ADIPOR2: variants seen among roughly 807,000 people sequenced by gnomAD.
The protein encoded by ADIPOR2 is adiponectin receptor 2.
ADIPOR2 carries 18 observed loss-of-function variants against 40.9 expected under a neutral mutation model. The observed-to-expected ratio is 0.44, with a 90% CI of 0.30 to 0.65. The LOEUF is 0.65. Among genes scored for constraint, ADIPOR2 ranks in the 30% least tolerant of loss-of-function variants. ADIPOR2 has a pLI of 0.09. For synonymous variants in ADIPOR2, 165 were observed against 166.4 expected (o/e 0.99, Z 0.06); for missense variants, 283 against 479.2 (o/e 0.59, Z 3.82).
chr12:1,783,814 G>C, intron 6 of ADIPOR2, 66 bp from the exon 7 acceptor site: 1 of 1,349,596 alleles, frequency 7.4e-7, no homozygotes, highest in Non-Finnish European at 1.0e-6. Context: ...GTGCTGTGCT[G>C]TAATACTGAC....
At chr12:1,720,513 A>G (rs1467381518) in intron 1 of ADIPOR2, among the ~76,000 whole-genome samples, 1 of 152,194 alleles carries the variant, frequency 6.6e-6, no homozygotes. Context: ...ACTGTCCCAT[A>G]TGGGAGTGAT....
chr12:1,708,116 C>A (rs2094667361), intron 1 of ADIPOR2, among the ~76,000 whole-genome samples: 2 of 149,730 alleles, frequency 1.3e-5, no homozygotes, highest in Admixed American at 1.3e-4. Context: ...AGCATTTAAT[C>A]ATATTAGGTA....
intron 1 of ADIPOR2, among the ~76,000 whole-genome samples, chr12:1,740,784 T>G (rs1374812885): frequency 6.6e-6 from 1 of 152,158 alleles, no homozygotes; most frequent in Non-Finnish European, 1.5e-5. Context: ...ACAAACAAGA[T>G]TTGACACTTA....
At chr12:1,770,203 A>G (rs1345622929) in intron 2 of ADIPOR2, among the ~76,000 whole-genome samples, 1 of 152,206 alleles carries the variant, frequency 6.6e-6, no homozygotes, top group East Asian at 1.9e-4. Context: ...ATATGTAACC[A>G]GTTGCACTTA....
At chr12:1,716,672 G>A (rs1002080601) in intron 1 of ADIPOR2, among the ~76,000 whole-genome samples, 1 of 152,110 alleles carries the variant, frequency 6.6e-6, no homozygotes, top group African/African-American at 2.4e-5. Context: ...AGATGCATCT[G>A]GTTTTGCCAA....
intron 1 of ADIPOR2, among the ~76,000 whole-genome samples, chr12:1,723,066 G>A (rs1338151833): frequency 6.6e-6 from 1 of 152,082 alleles, no homozygotes; most frequent in Non-Finnish European, 1.5e-5. Flanking sequence ...GCCCCATTAT[G>A]TCTTCTTTGT....
rs551213793 is a variant in ADIPOR2 at position 1,786,449 on chromosome 12, A to G, written c.*377A>G. On this transcript the variant is annotated 3_prime_UTR_variant, in exon 8 of 8. Coordinates refer to ENST00000357103, the MANE Select transcript of ADIPOR2 (RefSeq NM_024551.3). The stretch of plus-strand genomic sequence containing the variant: ...CTTTCTTCTCCCTTTCTCTCTCTCT[A>G]TGACAATAATACAAACCAATTTAAG... 7 of 188,058 alleles carry G rather than the reference A, an allele frequency of 3.7e-5. No homozygotes were observed. The highest frequency in any genetic ancestry group is 5.6e-5 in the Non-Finnish European group (5 of 90,066). 11.6% of individuals were successfully genotyped at this position (188,058 alleles called of 1,614,324 possible). A position where few individuals can be genotyped will look rare whatever the true frequency, so the allele number is the denominator to read the frequency against.
At chr12:1,746,521 A>G (rs2094755363) in intron 1 of ADIPOR2, among the ~76,000 whole-genome samples, 1 of 152,148 alleles carries the variant, frequency 6.6e-6, no homozygotes, top group South Asian at 2.1e-4. Context: ...AAACCCTCTT[A>G]TAAGAGACAA....
chr12:1,712,825 T>C (rs567646242), intron 1 of ADIPOR2, among the ~76,000 whole-genome samples: 2 of 152,262 alleles, frequency 1.3e-5, no homozygotes, highest in South Asian at 4.1e-4. Flanking sequence ...CAGTATAGGC[T>C]GTATTCGTTT....
At chr12:1,746,871 A>G (rs575887023) in intron 1 of ADIPOR2, among the ~76,000 whole-genome samples, 1 of 152,286 alleles carries the variant, frequency 6.6e-6, no homozygotes, top group Admixed American at 6.5e-5. Context: ...TCTACTAAAA[A>G]TTAAAAAATT....
At chr12:1,775,815 A>T (rs1343086307) in intron 3 of ADIPOR2, among the ~76,000 whole-genome samples, 3 of 152,206 alleles carry the variant, frequency 2.0e-5, no homozygotes, top group African/African-American at 7.2e-5. Context: ...AGGTTGACAG[A>T]CTTCCAGCAG....
At chr12:1,710,828 T>G (rs954440893) in intron 1 of ADIPOR2, among the ~76,000 whole-genome samples, 6 of 152,108 alleles carry the variant, frequency 3.9e-5, no homozygotes, top group African/African-American at 1.5e-4. Context: ...TTAGTTGAAC[T>G]CATTTGGGGT....
chr12:1,759,319 A>G (rs1247220160), intron 2 of ADIPOR2, among the ~76,000 whole-genome samples: 1 of 152,208 alleles, frequency 6.6e-6, no homozygotes, highest in South Asian at 2.1e-4. Flanking sequence ...CTTTTAGAAG[A>G]TGCAGATCTT....
chr12:1,710,042 AG>A (rs2094673030), intron 1 of ADIPOR2, among the ~76,000 whole-genome samples: 1 of 152,214 alleles, frequency 6.6e-6, no homozygotes, highest in Non-Finnish European at 1.5e-5. Context: ...TGTAAATGAG[AG>A]GATTGTAAAA....
At chr12:1,737,418 G>A (rs1373802277) in intron 1 of ADIPOR2, among the ~76,000 whole-genome samples, 2 of 151,990 alleles carry the variant, frequency 1.3e-5, no homozygotes. Flanking sequence ...TGCTGAGTGT[G>A]TTTCAAATTA....
At chr12:1,781,505 A>C (rs1862719798) in intron 6 of ADIPOR2, among the ~76,000 whole-genome samples, 1 of 152,200 alleles carries the variant, frequency 6.6e-6, no homozygotes, top group African/African-American at 2.4e-5. Flanking sequence ...TAATCTGCTT[A>C]AGGCTTCACC....
chr12:1,744,764 G>C (rs1213606906), intron 1 of ADIPOR2, among the ~76,000 whole-genome samples: 1 of 152,192 alleles, frequency 6.6e-6, no homozygotes, highest in East Asian at 1.9e-4. Context: ...TCTTTGGATA[G>C]ATATGAGGGG....
intron 1 of ADIPOR2, chr12:1,698,188 T>A (rs1175936061): frequency 6.6e-6 from 1 of 151,358 alleles, no homozygotes; most frequent in Non-Finnish European, 1.5e-5. Context: ...GCTCAGCAGG[T>A]GGTGCTGTCT....
At chr12:1,713,423 T>G (rs2094681477) in intron 1 of ADIPOR2, among the ~76,000 whole-genome samples, 1 of 152,100 alleles carries the variant, frequency 6.6e-6, no homozygotes, top group Admixed American at 6.5e-5. Context: ...CTTTTAAATG[T>G]CTAACAATAT....
Sources: allele counts gnomAD v4.1 joint callset (sites outside exome capture counted in the v4.1 genomes callset), GRCh38; gene constraint gnomAD v4.1.1; transcripts MANE v1.5; gene names NCBI Gene and HGNC (gene_info 2026-07-23, HGNC 2026-07-21).